Variants in KIAA2012 observed in about 807,000 individuals in gnomAD.
KIAA2012 encodes the protein KIAA2012.
In KIAA2012, 125 loss-of-function variants were observed where a neutral mutation model predicts 150.6. The ratio of observed to expected loss-of-function variants is 0.83; its 90% CI spans 0.72 to 0.96. KIAA2012 has a LOEUF of 0.96. Ranked by LOEUF, KIAA2012 falls within the 40% of genes least tolerant of loss-of-function variation. The probability of loss-of-function intolerance (pLI) is 0.00; values close to 1 mark genes in which losing one functional copy is unlikely to be tolerated. For synonymous variants in KIAA2012, 462 were observed against 504.7 expected (o/e 0.92, Z 1.13); for missense variants, 1,219 against 1,354.9 (o/e 0.90, Z 1.57).
chr2:202,143,871 A>G (rs573311802), intron 13 of KIAA2012, among the ~76,000 whole-genome samples: 9 of 152,222 alleles, frequency 5.9e-5, no homozygotes, highest in African/African-American at 1.9e-4. Context: ...GGGACAATGA[A>G]TTCATCTTTC....
At chr2:202,124,371 G>A (rs1442375146) in intron 11 of KIAA2012, among the ~76,000 whole-genome samples, 1 of 151,744 alleles carries the variant, frequency 6.6e-6, no homozygotes, top group African/African-American at 2.4e-5. Context: ...CTCACCCCAG[G>A]TGACTAGCAG....
intron 11 of KIAA2012, among the ~76,000 whole-genome samples, chr2:202,123,195 C>T (rs1232693176): frequency 6.6e-6 from 1 of 152,218 alleles, no homozygotes; most frequent in Non-Finnish European, 1.5e-5. Context: ...GTGGCGGTGA[C>T]AGACGGTGTT....
chr2:202,135,916 T>C (rs1691047058), intron 12 of KIAA2012: 1 of 197,512 alleles, frequency 5.1e-6, no homozygotes, highest in Non-Finnish European at 1.1e-5. Flanking sequence ...GGTCTTGTGT[T>C]ATTTCAAGGT....
chr2:202,171,910 C>A (rs959496494), intron 15 of KIAA2012, among the ~76,000 whole-genome samples: 12 of 129,542 alleles, frequency 9.3e-5, no homozygotes, highest in Admixed American at 8.5e-4. Flanking sequence ...AGTGCAGTGG[C>A]GTGATGGCTC....
intron 9 of KIAA2012, 107 bp from the exon 10 acceptor site, chr2:202,109,506 A>G (rs1050006079): frequency 1.1e-6 from 1 of 900,576 alleles, no homozygotes; most frequent in Middle Eastern, 2.3e-4. Flanking sequence ...AGTTCTTCAT[A>G]GCAGTCTTCA....
Position 202,103,104 on chromosome 2 carries a change from C to A in KIAA2012, c.1314C>A (p.Ala438=). The A allele has an allele frequency of 6.4e-7, 1 of 1,550,482 alleles. No individual in the cohort carries two copies. The highest frequency in any genetic ancestry group is 8.7e-7 in the Non-Finnish European group (1 of 1,146,978). The change falls in exon 8 of 24, where the codon GCC becomes GCA. Residue 438 remains alanine (A), a synonymous_variant. Transcript: ENST00000498697. ...YHTKQPPKEK[A]HRRGAPHPES... The stretch of plus-strand genomic sequence containing the variant: ...CCAAACAACCCCCAAAAGAGAAAGC[C>A]CACAGAAGAGGTAGGTCCCGGGTGC...
At position 202,154,689 on chromosome 2, in the gene KIAA2012, T is replaced by C. The variant is rs2105711234; in HGVS notation, c.1925T>C (p.Leu642Ser). 6.5e-7 allele frequency: 1 copy of C among 1,547,378 alleles called. No homozygotes were observed. Among genetic ancestry groups the C allele is most frequent in the East Asian group, 2.4e-5 (1 of 40,912 alleles). ...TCTTCACAGGGAGCCCAGCAGTCCT[T>C]GGAGGCAGCAGCTCAGAAGACAGGA... ...TTEKQGAQQS[L>S]EAAAQKTGEP... The change falls in exon 14 of 24, where the codon TTG (leucine) becomes TCG (serine). Residue 642 changes from leucine (L) to serine (S), a missense_variant. By Grantham distance (145) the Leu-to-Ser change is moderately radical. Transcript: ENST00000498697.
chr2:202,177,621 A>G (rs4513273), intron 15 of KIAA2012, among the ~76,000 whole-genome samples: 61,990 of 151,914 alleles, frequency 0.41, 12,779 homozygotes, highest in East Asian at 0.58. Context: ...TCCTGGACTC[A>G]CACTATCCAC....
rs1381726367 is a variant in KIAA2012 at position 202,074,947 on chromosome 2, T to C, written c.141T>C (p.Asp47=). 6 of 1,550,900 alleles carry C rather than the reference T, an allele frequency of 3.9e-6. No homozygotes were observed. The stretch of plus-strand genomic sequence containing the variant: ...ATGTTCCTGTCAGCAAACCTCAAGA[T>C]AAGAACAATGCCAGTCAGCACTCCT... ...EDYVPVSKPQ[D]KNNASQHSWS... The change falls in exon 2 of 24, where the codon GAT becomes GAC. Residue 47 remains aspartate (D), a synonymous_variant. Transcript: ENST00000498697.
chr2:202,074,640 A>C (rs372559962), intron 1 of KIAA2012, among the ~76,000 whole-genome samples: 4 of 152,172 alleles, frequency 2.6e-5, no homozygotes, highest in Non-Finnish European at 5.9e-5. Context: ...AGCTGAGTTA[A>C]TCCTCCAGCC....
chr2:202,178,479 AT>A (rs1692043561), intron 15 of KIAA2012, among the ~76,000 whole-genome samples: 1 of 152,246 alleles, frequency 6.6e-6, no homozygotes, highest in Non-Finnish European at 1.5e-5. Flanking sequence ...TTCAATTCTA[AT>A]CACAATGGAA....
chr2:202,155,806 A>G (rs776622284), intron 14 of KIAA2012, among the ~76,000 whole-genome samples: 8 of 152,222 alleles, frequency 5.3e-5, no homozygotes, highest in Non-Finnish European at 1.2e-4. Context: ...ATTAAGAGTC[A>G]TGCATTTGCC....
rs765097395 is a variant in KIAA2012 at position 202,100,450 on chromosome 2, G to C, written c.1155+1G>C. The stretch of plus-strand genomic sequence containing the variant: ...CCCTGGGGAAGTGAAGAAGAAAAAG[G>C]TTGTGTGTATATGTATGTTTGTGCA... On this transcript the variant is annotated splice_donor_variant, in intron 7 of 23. Coordinates refer to ENST00000498697, the MANE Select transcript of KIAA2012 (RefSeq NM_001277372.4). LOFTEE classifies it high-confidence loss of function. 47 of 1,550,008 alleles carry C rather than the reference G, an allele frequency of 3.0e-5. No homozygotes were observed. In the East Asian group the frequency reaches 1.0e-3, roughly 34 times the overall value.
chr2:202,185,362 G>A (rs1033195298), intron 16 of KIAA2012, among the ~76,000 whole-genome samples: 6 of 152,106 alleles, frequency 3.9e-5, no homozygotes, highest in African/African-American at 1.4e-4. Flanking sequence ...CAGCTGGCGT[G>A]GCCTCTCTGC....
At chr2:202,170,503 C>T (rs1691864417) in intron 15 of KIAA2012, among the ~76,000 whole-genome samples, 2 of 152,182 alleles carry the variant, frequency 1.3e-5, no homozygotes, top group Non-Finnish European at 2.9e-5. Context: ...ATTCACTCAG[C>T]ATACACTTGC....
intron 15 of KIAA2012, among the ~76,000 whole-genome samples, chr2:202,181,234 TCC>T (rs1375379699): frequency 6.6e-6 from 1 of 152,144 alleles, no homozygotes; most frequent in Non-Finnish European, 1.5e-5. Flanking sequence ...CCTCCCAAAG[TCC>T]TGGGATTATA....
intron 2 of KIAA2012, among the ~76,000 whole-genome samples, chr2:202,076,673 A>G (rs1470976038): frequency 6.6e-6 from 1 of 152,182 alleles, no homozygotes; most frequent in Non-Finnish European, 1.5e-5. Context: ...TGATTTGCCC[A>G]AGGCCAGAGA....
At chr2:202,192,766 AT>A (rs1369450704) in intron 19 of KIAA2012, among the ~76,000 whole-genome samples, 2 of 152,052 alleles carry the variant, frequency 1.3e-5, no homozygotes, top group East Asian at 3.9e-4. Flanking sequence ...TTGTTTTTAT[AT>A]TTTTGAGGCA....
intron 14 of KIAA2012, among the ~76,000 whole-genome samples, chr2:202,163,781 ATTTTTTT>A (rs902559663): frequency 9.4e-6 from 1 of 106,360 alleles, no homozygotes; most frequent in African/African-American, 3.3e-5. Flanking sequence ...TATTCAGGGA[ATTTTTTT>A]TTTTTTTTTT....
Sources: gnomAD v4.1 joint callset for allele counts (sites outside exome capture counted in the v4.1 genomes callset) on GRCh38, gnomAD v4.1.1 for gene constraint, MANE v1.5 for transcripts, NCBI Gene and HGNC (gene_info 2026-07-23, HGNC 2026-07-21) for gene names.